ENPP6: variants seen among roughly 807,000 people sequenced by gnomAD.
The protein encoded by ENPP6 is glycerophosphocholine cholinephosphodiesterase ENPP6.
A neutral mutation model predicts 42.0 loss-of-function variants in ENPP6; 32 were observed. The observed-to-expected ratio is 0.76, with a 90% CI of 0.58 to 1.02. ENPP6 has a LOEUF of 1.02. ENPP6 is among the 50% of genes least tolerant of loss of function. The pLI, the probability that ENPP6 is intolerant of heterozygous loss-of-function variation, is 0.00. For synonymous variants in ENPP6, 213 were observed against 216.0 expected, an observed-to-expected ratio of 0.99 and a Z score of 0.12; for missense variants, 552 against 566.8, an observed-to-expected ratio of 0.97 and a Z score of 0.27.
At chr4:184,214,556 A>C (rs898421398) in intron 1 of ENPP6, among the ~76,000 whole-genome samples, 1 of 152,190 alleles carries the variant, frequency 6.6e-6, no homozygotes, top group African/African-American at 2.4e-5. Flanking sequence ...TTACCTGTGC[A>C]AATAGCAAAG....
intron 1 of ENPP6, among the ~76,000 whole-genome samples, chr4:184,212,453 AC>A (rs1363226368): frequency 6.7e-6 from 1 of 150,350 alleles, no homozygotes; most frequent in Non-Finnish European, 1.5e-5. Flanking sequence ...CAACAGACAA[AC>A]AGAGAGCCAA....
In ENPP6 at chr4:184,152,780, G is replaced by A. The variant is rs1474475933; in HGVS notation, c.421+774C>T. The stretch of plus-strand genomic sequence containing the variant: ...TCACAGCAGCCGAGGCAGTTTGCAT[G>A]ACTACTTACCTCGTTGAGCTAGGAT... On this transcript the variant is annotated intron_variant, in intron 2 of 7. Coordinates refer to ENST00000296741, the MANE Select transcript of ENPP6 (RefSeq NM_153343.4). Among the ~76,000 whole-genome samples the A allele has an allele frequency of 2.0e-5, 3 of 152,204 alleles. No individual in the cohort carries two copies. In the East Asian group the frequency reaches 5.8e-4, roughly 29 times the overall value.
chr4:184,097,278 C>A lies in ENPP6; in HGVS notation c.1084G>T (p.Asp362Tyr), dbSNP rs1395566586. 1.2e-6 allele frequency: 2 copies of A among 1,614,094 alleles called. No homozygotes were observed. The highest frequency in any genetic ancestry group is 2.7e-5 in the African/African-American group (2 of 74,938). Residue 362 changes from aspartate (D) to tyrosine (Y), a missense_variant, in exon 7 of 8, where the codon GAC becomes TAC. By Grantham distance (160) the Asp-to-Tyr change is radical. Around this residue, in one of 2 missense-constraint regions of ENPP6, gnomAD observed 545 missense variants for 546.3 expected, o/e 1.00. Coordinates refer to ENST00000296741, the MANE Select transcript of ENPP6 (RefSeq NM_153343.4). ...GWHGYDNELM[D>Y]MRGIFLAFGP... ...AAGGCCAGGAAGATGCCCCGCATGT[C>A]CATGAGCTCGTTGTCGTAGCCGTGC...
chr4:184,171,922 T>C (rs967648811), intron 1 of ENPP6, among the ~76,000 whole-genome samples: 1 of 152,106 alleles, frequency 6.6e-6, no homozygotes, highest in Non-Finnish European at 1.5e-5. Flanking sequence ...ACATGTAAGC[T>C]GAAAGACAGG....
intron 2 of ENPP6, among the ~76,000 whole-genome samples, chr4:184,151,963 G>GT (rs1193889674): frequency 2.0e-5 from 3 of 152,220 alleles, no homozygotes; most frequent in Admixed American, 6.5e-5. Flanking sequence ...GCTCAAAGGT[G>GT]TCTTGCGTCA....
At chr4:184,155,806 T>C (rs768476879) in intron 1 of ENPP6, among the ~76,000 whole-genome samples, 2 of 152,218 alleles carry the variant, frequency 1.3e-5, no homozygotes, top group Non-Finnish European at 2.9e-5. Context: ...TCTATACTTG[T>C]ATATCTCAGA....
chr4:184,202,537 C>A (rs1732920468), intron 1 of ENPP6, among the ~76,000 whole-genome samples: 1 of 152,232 alleles, frequency 6.6e-6, no homozygotes, highest in South Asian at 2.1e-4. Flanking sequence ...GACCCACACC[C>A]AGATGGCAAA....
rs1424476022 is a variant in ENPP6, at chr4:184,095,214, C to T, written c.1117+2031G>A. The stretch of plus-strand genomic sequence containing the variant: ...GGGTCATCTATCTGTCTGTAAAAGA[C>T]TGGGCGCTTTTAGTGTTACAGGAAC... On this transcript the variant is annotated intron_variant, in intron 7 of 7. Coordinates refer to ENST00000296741, the MANE Select transcript of ENPP6 (RefSeq NM_153343.4). Among the ~76,000 whole-genome samples, 3 of 152,186 alleles carry T rather than the reference C, an allele frequency of 2.0e-5. 1 individual carries two copies. The highest frequency in any genetic ancestry group is 7.2e-5 in the African/African-American group (3 of 41,440).
At chr4:184,201,146 C>G (rs890857618) in intron 1 of ENPP6, among the ~76,000 whole-genome samples, 3 of 152,168 alleles carry the variant, frequency 2.0e-5, no homozygotes, top group Non-Finnish European at 4.4e-5. Context: ...TGCCCCAGGT[C>G]TCTGCCTGGT....
At chr4:184,181,383 C>T (rs1001452759) in intron 1 of ENPP6, among the ~76,000 whole-genome samples, 3 of 152,150 alleles carry the variant, frequency 2.0e-5, no homozygotes, top group Admixed American at 2.0e-4. Flanking sequence ...ATGGAAAAAC[C>T]TTCCATGCTC....
rs1579626491 is a variant in ENPP6, at chr4:184,132,150, C to T, written c.422-7878G>A. ...AAATACATTACTGAGTCCACTGATGCAAACGTCAATCTCAACTGGAAACCC... is the reference window on the plus strand; with the variant it reads ...AAATACATTACTGAGTCCACTGATGTAAACGTCAATCTCAACTGGAAACCC... On this transcript the variant is annotated intron_variant, in intron 2 of 7. Coordinates refer to ENST00000296741, the MANE Select transcript of ENPP6 (RefSeq NM_153343.4). Among the ~76,000 whole-genome samples the T allele has an allele frequency of 2.6e-5, 4 of 152,284 alleles. No individual in the cohort carries two copies. In the East Asian group the frequency reaches 5.8e-4, roughly 22 times the overall value.
At chr4:184,208,955 G>C (rs1374255882) in intron 1 of ENPP6, among the ~76,000 whole-genome samples, 2 of 141,608 alleles carry the variant, frequency 1.4e-5, no homozygotes, top group South Asian at 2.2e-4. Context: ...CTAACTGGGA[G>C]GCACCCCCCA....
chr4:184,213,799 A>C (rs1733155314), intron 1 of ENPP6, among the ~76,000 whole-genome samples: 1 of 147,410 alleles, frequency 6.8e-6, no homozygotes, highest in East Asian at 2.0e-4. Context: ...ACGTATGTTT[A>C]TTGCGGCATT....
chr4:184,131,668 C>T (rs1579626106), intron 2 of ENPP6, among the ~76,000 whole-genome samples: 2 of 151,914 alleles, frequency 1.3e-5, no homozygotes, highest in East Asian at 3.9e-4. Flanking sequence ...CCTGCCTCTA[C>T]CAGCACTTTC....
intron 2 of ENPP6, among the ~76,000 whole-genome samples, chr4:184,149,379 A>C (rs547827834): frequency 1.8e-4 from 27 of 152,354 alleles, no homozygotes; most frequent in African/African-American, 5.8e-4. Flanking sequence ...GCCTCCTATT[A>C]TCCAGATGAT....
intron 5 of ENPP6, among the ~76,000 whole-genome samples, chr4:184,113,915 C>CT (rs1242906206): frequency 1.1e-3 from 136 of 127,398 alleles, no homozygotes; most frequent in African/African-American, 3.9e-3. Flanking sequence ...TTCTTTCTTT[C>CT]TTTCTTTCTT....
intron 2 of ENPP6, among the ~76,000 whole-genome samples, chr4:184,139,084 C>A (rs545463005): frequency 6.6e-5 from 10 of 152,328 alleles, no homozygotes; most frequent in Admixed American, 2.0e-4. Flanking sequence ...GACTGCAACC[C>A]AAGTGGATGG....
chr4:184,122,166 C>T (rs927829886), intron 3 of ENPP6, among the ~76,000 whole-genome samples: 12 of 152,116 alleles, frequency 7.9e-5, no homozygotes, highest in South Asian at 4.1e-4. Flanking sequence ...GGTTTCCATC[C>T]GACCCAGGCC....
intron 2 of ENPP6, among the ~76,000 whole-genome samples, chr4:184,138,267 TAGA>T (rs1254177290): frequency 6.6e-6 from 1 of 152,240 alleles, no homozygotes; most frequent in African/African-American, 2.4e-5. Context: ...TATATAGAAA[TAGA>T]AGGAGTTTTT....
Sources: allele counts gnomAD v4.1 joint callset (sites outside exome capture counted in the v4.1 genomes callset), GRCh38; gene constraint gnomAD v4.1.1; regional missense constraint gnomAD v4.1.1; transcripts MANE v1.5; gene names NCBI Gene and HGNC (gene_info 2026-07-23, HGNC 2026-07-21).